Variants in ZNF254 observed in about 807,000 individuals in gnomAD.
ZNF254 encodes the protein zinc finger protein 254, also known as CTD-2017D11.1.
Under a neutral mutation model 12.4 loss-of-function variants are expected in ZNF254, and 10 were observed. The observed-to-expected ratio is 0.80, with a 90% CI of 0.50 to 1.36. ZNF254 has a LOEUF of 1.36. Among genes scored for constraint, ZNF254 ranks in the 40% most tolerant of loss-of-function variants. The probability of loss-of-function intolerance (pLI) is 0.00; values close to 1 mark genes in which losing one functional copy is unlikely to be tolerated. For synonymous variants in ZNF254, 305 were observed against 253.4 expected (o/e 1.20, Z -1.93); for missense variants, 996 against 763.9 (o/e 1.30, Z -3.58).
chr19:24,071,453 C>G (rs1971477568), intron 2 of ZNF254, among the ~76,000 whole-genome samples: 1 of 152,160 alleles, frequency 6.6e-6, no homozygotes, highest in South Asian at 2.1e-4. Flanking sequence ...TAATTTTTCC[C>G]CATGCCTGGG....
intron 3 of ZNF254, among the ~76,000 whole-genome samples, chr19:24,118,631 A>G (rs980149549): frequency 6.6e-6 from 1 of 151,950 alleles, no homozygotes; most frequent in African/African-American, 2.4e-5. Context: ...ATTTGTAAAT[A>G]TTTTCACCCA....
intron 2 of ZNF254, chr19:24,046,373 T>TATATATATATCTATATA: frequency 1.0e-5 from 1 of 95,508 alleles, no homozygotes; most frequent in East Asian, 2.5e-4. Flanking sequence ...TTATTATTTT[T>TATATATATATCTATATA]TATATATATA....
At chr19:24,035,693 A>G (rs1487750520) in intron 1 of ZNF254, among the ~76,000 whole-genome samples, 1 of 152,072 alleles carries the variant, frequency 6.6e-6, no homozygotes, top group Non-Finnish European at 1.5e-5. Context: ...AGGAACATAA[A>G]GAGGGGTTGT....
At chr19:24,048,268 C>T (rs971364520) in intron 2 of ZNF254, among the ~76,000 whole-genome samples, 8 of 151,948 alleles carry the variant, frequency 5.3e-5, no homozygotes, top group African/African-American at 1.7e-4. Context: ...ACTTAGAGGC[C>T]GGCCACTGAG....
chr19:24,053,605 A>G (rs528102777), intron 2 of ZNF254, among the ~76,000 whole-genome samples: 2 of 152,118 alleles, frequency 1.3e-5, no homozygotes, highest in Admixed American at 1.3e-4. Context: ...GCTTTTCCTA[A>G]GAAGGGATTG....
chr19:24,091,539 C>A (rs1042527765), intron 1 of ZNF254, among the ~76,000 whole-genome samples: 3 of 152,106 alleles, frequency 2.0e-5, no homozygotes, highest in Admixed American at 1.3e-4. Context: ...GACACCCAGG[C>A]TGGAGTGCAA....
chr19:24,089,661 C>G (rs192728156), intron 1 of ZNF254, among the ~76,000 whole-genome samples: 1 of 151,900 alleles, frequency 6.6e-6, no homozygotes, highest in Non-Finnish European at 1.5e-5. Flanking sequence ...GTCCCAAGTG[C>G]GCAGGTGGAT....
intron 3 of ZNF254, among the ~76,000 whole-genome samples, chr19:24,109,502 G>A (rs532986019): frequency 1.3e-5 from 2 of 151,898 alleles, no homozygotes; most frequent in African/African-American, 2.4e-5. Context: ...TATTGATTTC[G>A]TGCATTATAA....
intron 2 of ZNF254, among the ~76,000 whole-genome samples, chr19:24,049,906 C>G (rs1265905581): frequency 6.6e-6 from 1 of 151,940 alleles, no homozygotes; most frequent in Non-Finnish European, 1.5e-5. Flanking sequence ...CAGGGCTCAG[C>G]ACCTAGCTAA....
chr19:24,105,235 C>T (rs190920913), intron 1 of ZNF254: 3 of 172,762 alleles, frequency 1.7e-5, no homozygotes, highest in Non-Finnish European at 3.6e-5. Flanking sequence ...TGTGCATAAA[C>T]CATCACGTTT....
At chr19:24,106,227 C>T in intron 2 of ZNF254, 161 bp downstream of exon 2, 1 of 990,434 alleles carries the variant, frequency 1.0e-6, no homozygotes, top group South Asian at 1.7e-5. Flanking sequence ...TCATCTTGAC[C>T]TGAACTTTCC....
intron 2 of ZNF254, among the ~76,000 whole-genome samples, chr19:24,067,255 A>G (rs544175552): frequency 2.0e-5 from 3 of 151,896 alleles, no homozygotes; most frequent in East Asian, 3.9e-4. Flanking sequence ...CTTTTAATAT[A>G]CCTTTGGGCC....
intron 1 of ZNF254, among the ~76,000 whole-genome samples, chr19:24,036,963 C>G (rs901864030): frequency 2.6e-5 from 4 of 152,184 alleles, no homozygotes; most frequent in Non-Finnish European, 5.9e-5. Context: ...CAAAGAATTA[C>G]ACAAGTGCCT....
intron 1 of ZNF254, among the ~76,000 whole-genome samples, chr19:24,093,320 G>GT (rs1272443847): frequency 1.3e-5 from 2 of 151,808 alleles, no homozygotes; most frequent in East Asian, 1.9e-4. Flanking sequence ...TCAATTTTTG[G>GT]TTTTTTTGCA....
chr19:24,057,519 C>T (rs983083545), intron 2 of ZNF254, among the ~76,000 whole-genome samples: 5 of 152,182 alleles, frequency 3.3e-5, no homozygotes, highest in African/African-American at 4.8e-5. Flanking sequence ...ATAAATTCCT[C>T]GGTTGGTACA....
At chr19:24,117,055 G>T (rs1435551380) in intron 3 of ZNF254, among the ~76,000 whole-genome samples, 46 of 152,118 alleles carry the variant, frequency 3.0e-4, no homozygotes, top group Admixed American at 2.9e-3. Flanking sequence ...TCTTCTGGAA[G>T]TTTTGTCTCA....
At chr19:24,092,191 G>C (rs914327947) in intron 1 of ZNF254, among the ~76,000 whole-genome samples, 1 of 143,560 alleles carries the variant, frequency 7.0e-6, no homozygotes, top group Non-Finnish European at 1.5e-5. Context: ...TTTTTAAATG[G>C]AATTTTGATG....
At chr19:24,058,477 C>A (rs565195288) in intron 2 of ZNF254, among the ~76,000 whole-genome samples, 1 of 150,502 alleles carries the variant, frequency 6.6e-6, no homozygotes, top group South Asian at 2.1e-4. Flanking sequence ...ATGGTGCAAT[C>A]TTGGCTCAAG....
intron 3 of ZNF254, among the ~76,000 whole-genome samples, chr19:24,115,588 T>C (rs1973999056): frequency 1.3e-5 from 2 of 151,882 alleles, no homozygotes; most frequent in African/African-American, 2.4e-5. Flanking sequence ...GACGAGTTAA[T>C]GGGTGCAGCA....
Sources: gnomAD v4.1 joint callset for allele counts (sites outside exome capture counted in the v4.1 genomes callset) on GRCh38, gnomAD v4.1.1 for gene constraint, MANE v1.5 for transcripts, NCBI Gene and HGNC (gene_info 2026-07-23, HGNC 2026-07-21) for gene names.